The following SLC39A11 variants were observed in gnomAD, a reference collection of about 807,000 sequenced individuals.
SLC39A11 encodes the protein zinc transporter ZIP11.
In SLC39A11, 33 loss-of-function variants were observed where a neutral mutation model predicts 36.1. That is an observed-to-expected ratio of 0.91 (90% CI 0.69 to 1.22). The LOEUF is 1.22. Ranked by LOEUF, SLC39A11 falls within the 50% of genes most tolerant of loss-of-function variation. The pLI is 0.00. For missense variants in SLC39A11, 432 were observed against 430.3 expected (o/e 1.00, Z -0.03); for synonymous variants, 166 against 170.3 (o/e 0.97, Z 0.20).
chr17:72,713,724 C>G (rs1039503802), intron 7 of SLC39A11, among the ~76,000 whole-genome samples: 1 of 152,114 alleles, frequency 6.6e-6, no homozygotes, highest in Non-Finnish European at 1.5e-5. Context: ...ATGGTAAAAC[C>G]AAATCCTTCC....
intron 5 of SLC39A11, among the ~76,000 whole-genome samples, chr17:72,863,199 C>T (rs2080132593): frequency 6.6e-6 from 1 of 152,190 alleles, no homozygotes; most frequent in Non-Finnish European, 1.5e-5. Flanking sequence ...TGGGGATCTT[C>T]ACTTGGGCAT....
intron 4 of SLC39A11, among the ~76,000 whole-genome samples, chr17:72,968,092 T>C (rs956258765): frequency 3.3e-5 from 5 of 152,182 alleles, no homozygotes; most frequent in African/African-American, 1.2e-4. Flanking sequence ...GAGAAAAGAT[T>C]GTGTTCCCTT....
At chr17:73,023,226 T>TA (rs57999699) in intron 4 of SLC39A11, among the ~76,000 whole-genome samples, 14,580 of 142,208 alleles carry the variant, frequency 0.1, 866 homozygotes, top group African/African-American at 0.16. Flanking sequence ...TCACAGTGCC[T>TA]AAAAAAAAAA....
chr17:72,665,013 G>A (rs2070663515), intron 7 of SLC39A11, among the ~76,000 whole-genome samples: 1 of 152,160 alleles, frequency 6.6e-6, no homozygotes, highest in African/African-American at 2.4e-5. Flanking sequence ...ACTCTTTGAA[G>A]GCAAGGCCAC....
At chr17:72,945,531 C>A (rs2085380829) in intron 5 of SLC39A11, among the ~76,000 whole-genome samples, 1 of 152,158 alleles carries the variant, frequency 6.6e-6, no homozygotes, top group South Asian at 2.1e-4. Context: ...TGCCTGACAC[C>A]CACAGGTGTG....
intron 7 of SLC39A11, among the ~76,000 whole-genome samples, chr17:72,654,204 C>T (rs1306305788): frequency 6.6e-6 from 1 of 152,096 alleles, no homozygotes; most frequent in Non-Finnish European, 1.5e-5. Context: ...AGGCTCCCCT[C>T]TTCTGCTGCT....
intron 4 of SLC39A11, among the ~76,000 whole-genome samples, chr17:73,011,431 G>T (rs1201216710): frequency 6.6e-6 from 1 of 152,144 alleles, no homozygotes; most frequent in East Asian, 1.9e-4. Context: ...AGGGGTTTCA[G>T]CCAGAAACAC....
At chr17:72,736,077 G>A (rs1332661598) in intron 7 of SLC39A11, among the ~76,000 whole-genome samples, 1 of 152,106 alleles carries the variant, frequency 6.6e-6, no homozygotes, top group African/African-American at 2.4e-5. Flanking sequence ...GCTTGACTTG[G>A]GTATCATCAG....
At chr17:73,010,484 G>A (rs1377771163) in intron 4 of SLC39A11, among the ~76,000 whole-genome samples, 2 of 152,130 alleles carry the variant, frequency 1.3e-5, no homozygotes, top group Admixed American at 6.5e-5. Context: ...TTGGCTGAAC[G>A]TCAGAGTCCT....
At chr17:72,967,449 C>T (rs946479023) in intron 4 of SLC39A11, among the ~76,000 whole-genome samples, 3 of 147,772 alleles carry the variant, frequency 2.0e-5, no homozygotes, top group Non-Finnish European at 4.5e-5. Context: ...AGCTCCTAAG[C>T]ATATCCTGGG....
At chr17:72,790,537 C>G (rs1419120640) in intron 6 of SLC39A11, among the ~76,000 whole-genome samples, 1 of 145,436 alleles carries the variant, frequency 6.9e-6, no homozygotes, top group Admixed American at 6.9e-5. Context: ...CTCTCTCTCT[C>G]TTTTTTTTTT....
At chr17:72,967,115 G>A (rs1417728820) in intron 4 of SLC39A11, among the ~76,000 whole-genome samples, 2 of 152,114 alleles carry the variant, frequency 1.3e-5, no homozygotes, top group Non-Finnish European at 2.9e-5. Flanking sequence ...CCCACTGATT[G>A]TCCATTATGG....
intron 6 of SLC39A11, among the ~76,000 whole-genome samples, chr17:72,744,490 C>G (rs530303741): frequency 3.3e-5 from 5 of 152,298 alleles, no homozygotes; most frequent in Non-Finnish European, 7.4e-5. Flanking sequence ...GCTAGGAAAG[C>G]AAACAATAAA....
rs142649687 is a variant in SLC39A11 at position 72,766,096 on chromosome 17, T to G, written c.602-29377A>C. The stretch of plus-strand genomic sequence containing the variant: ...CAAGCATCATTCATCAGCTGAATGT[T>G]CGTCCCTCTGTGAATCACTTATTGC... On this transcript the variant is annotated intron_variant, in intron 6 of 9. Transcript: ENST00000255559. 4.3e-3 allele frequency among the ~76,000 whole-genome samples: 658 copies of G among 152,246 alleles called. 5 individuals carry two copies. Among genetic ancestry groups the G allele is most frequent in the African/African-American group, 0.015 (628 of 41,574 alleles).
chr17:73,020,442 TTC>T (rs1320180950), intron 4 of SLC39A11, among the ~76,000 whole-genome samples: 1 of 152,208 alleles, frequency 6.6e-6, no homozygotes, highest in Non-Finnish European at 1.5e-5. Flanking sequence ...CTTGATATTT[TTC>T]TGTTCTTTAA....
chr17:73,051,181 G>C (rs190994233), intron 3 of SLC39A11, among the ~76,000 whole-genome samples: 10 of 152,242 alleles, frequency 6.6e-5, no homozygotes, highest in Non-Finnish European at 1.5e-4. Context: ...GGTGTTCCTT[G>C]ACTTGTGGAT....
At chr17:73,018,097 C>G (rs1408058607) in intron 4 of SLC39A11, among the ~76,000 whole-genome samples, 1 of 152,188 alleles carries the variant, frequency 6.6e-6, no homozygotes, top group Non-Finnish European at 1.5e-5. Context: ...CTACTCTATA[C>G]CCATCCTAGC....
intron 7 of SLC39A11, among the ~76,000 whole-genome samples, chr17:72,725,321 A>G (rs2073881235): frequency 6.6e-6 from 1 of 152,066 alleles, no homozygotes. Flanking sequence ...TCACATTTCT[A>G]CCCCTCTACG....
intron 3 of SLC39A11, among the ~76,000 whole-genome samples, chr17:73,072,908 A>ATG (rs2060206699): frequency 3.3e-5 from 5 of 152,240 alleles, no homozygotes; most frequent in Non-Finnish European, 7.3e-5. Flanking sequence ...GGCTGGGCGC[A>ATG]GTGGCCCACG....
Sources: allele counts gnomAD v4.1 joint callset (sites outside exome capture counted in the v4.1 genomes callset), GRCh38; gene constraint gnomAD v4.1.1; transcripts MANE v1.5; gene names NCBI Gene and HGNC (gene_info 2026-07-23, HGNC 2026-07-21).